Variants in MARCO observed in about 807,000 individuals in gnomAD.
MARCO encodes macrophage receptor MARCO.
Under a neutral mutation model 70.0 loss-of-function variants are expected in MARCO, and 72 were observed. That is an observed-to-expected ratio of 1.03 (90% CI 0.85 to 1.25). The LOEUF (loss-of-function observed/expected upper bound fraction) is 1.25, where lower values mean the gene tolerates loss of function less well. Among genes scored for constraint, MARCO ranks in the 50% most tolerant of loss-of-function variants. MARCO has a pLI of 0.00. For synonymous variants in MARCO, 273 were observed against 243.1 expected, an observed-to-expected ratio of 1.12 and a Z score of -1.14; for missense variants, 696 against 659.3, an observed-to-expected ratio of 1.06 and a Z score of -0.61.
intron 1 of MARCO, among the ~76,000 whole-genome samples, chr2:118,954,048 C>A (rs180857123): frequency 6.6e-6 from 1 of 152,300 alleles, no homozygotes; most frequent in African/African-American, 2.4e-5. Flanking sequence ...ACAATTTGAA[C>A]AGGGTGAGAA....
intron 1 of MARCO, among the ~76,000 whole-genome samples, chr2:118,948,943 G>A (rs539820980): frequency 5.3e-5 from 8 of 152,272 alleles, no homozygotes; most frequent in African/African-American, 7.2e-5. Context: ...CCATACATCC[G>A]CTAAGGGCAG....
intron 1 of MARCO, among the ~76,000 whole-genome samples, chr2:118,961,202 A>T (rs1326781499): frequency 6.6e-6 from 1 of 152,124 alleles, no homozygotes; most frequent in Non-Finnish European, 1.5e-5. Context: ...ATGAACATAC[A>T]TGTGCCATAT....
At chr2:118,966,357 G>T (rs1680047258) in intron 1 of MARCO, among the ~76,000 whole-genome samples, 1 of 152,100 alleles carries the variant, frequency 6.6e-6, no homozygotes, top group South Asian at 2.1e-4. Context: ...ATGTCAAGCA[G>T]CTCTTCCTCT....
At chr2:118,986,342 C>T (rs1170026244) in intron 12 of MARCO, among the ~76,000 whole-genome samples, 4 of 140,848 alleles carry the variant, frequency 2.8e-5, no homozygotes, top group African/African-American at 1.2e-4. Flanking sequence ...GCAATGTCCC[C>T]CTCTCTACAA....
rs1331566945 is a variant in MARCO, at chr2:118,984,859, T to A, written c.1063+2449T>A. Among the ~76,000 whole-genome samples, 4 of 152,326 alleles carry A rather than the reference T, an allele frequency of 2.6e-5. No individual in the cohort carries two copies. The East Asian group carries it at 7.7e-4, about 29-fold the overall frequency. Reference sequence around the variant, plus strand: ...CACTGCAGTGCTTGGCCAGTGTTGATATATCAAGCCAGGTTTCCAAACTGA... The same window carrying A: ...CACTGCAGTGCTTGGCCAGTGTTGAAATATCAAGCCAGGTTTCCAAACTGA... On this transcript the variant is annotated intron_variant, in intron 12 of 16. Coordinates refer to ENST00000327097, the MANE Select transcript of MARCO (RefSeq NM_006770.4).
At chr2:118,974,792 G>A (rs1395515926) in intron 6 of MARCO, among the ~76,000 whole-genome samples, 2 of 152,228 alleles carry the variant, frequency 1.3e-5, no homozygotes, top group South Asian at 2.1e-4. Context: ...TGGCTAGATG[G>A]CCTTCATCCT....
chr2:118,989,055 G>A (rs1438478843), intron 12 of MARCO, among the ~76,000 whole-genome samples: 1 of 152,240 alleles, frequency 6.6e-6, no homozygotes, highest in Non-Finnish European at 1.5e-5. Context: ...TAAGACAGAA[G>A]TGGACTCAAG....
At chr2:118,993,807 T>C (rs1297584582) in intron 16 of MARCO, among the ~76,000 whole-genome samples, 1 of 152,128 alleles carries the variant, frequency 6.6e-6, no homozygotes, top group Non-Finnish European at 1.5e-5. Context: ...GTGTGGAAAA[T>C]GTCTTCGGAT....
chr2:118,950,066 C>T (rs190449780), intron 1 of MARCO: 9 of 152,092 alleles, frequency 5.9e-5, no homozygotes, highest in African/African-American at 1.4e-4. Context: ...TCTTTAGCAC[C>T]GATTTTTATT....
At chr2:118,961,377 C>G (rs2104565148) in intron 1 of MARCO, among the ~76,000 whole-genome samples, 2 of 152,288 alleles carry the variant, frequency 1.3e-5, no homozygotes, top group South Asian at 4.1e-4. Flanking sequence ...TCACCAGCAT[C>G]TGCTGTTTCT....
chr2:118,965,870 C>A (rs1406084707), intron 1 of MARCO, among the ~76,000 whole-genome samples: 1 of 152,198 alleles, frequency 6.6e-6, no homozygotes, highest in Non-Finnish European at 1.5e-5. Context: ...GCAGAAGGCA[C>A]GTTCCAGTAC....
At chr2:118,949,235 C>G (rs983484453) in intron 1 of MARCO, 3 of 152,134 alleles carry the variant, frequency 2.0e-5, no homozygotes, top group Non-Finnish European at 4.4e-5. Context: ...GATTTGAGGA[C>G]CATGCTAGTG....
intron 12 of MARCO, among the ~76,000 whole-genome samples, chr2:118,989,463 C>T (rs1253563309): frequency 6.6e-6 from 1 of 152,190 alleles, no homozygotes; most frequent in Non-Finnish European, 1.5e-5. Flanking sequence ...CCTTAGCTCT[C>T]CAGCCCTCCT....
intron 8 of MARCO, 62 bp from the exon 9 acceptor site, chr2:118,981,347 G>A: frequency 1.9e-6 from 2 of 1,037,704 alleles, no homozygotes; most frequent in Non-Finnish European, 2.9e-6. Context: ...AGTGTCAGAG[G>A]AGGACATGGT....
chr2:118,960,162 G>C (rs988410482), intron 1 of MARCO, among the ~76,000 whole-genome samples: 4 of 151,622 alleles, frequency 2.6e-5, no homozygotes, highest in African/African-American at 9.7e-5. Context: ...TTTTTTTGTA[G>C]ATTTTGTGGA....
At chr2:118,964,169 A>G (rs1680000637) in intron 1 of MARCO, among the ~76,000 whole-genome samples, 1 of 152,118 alleles carries the variant, frequency 6.6e-6, no homozygotes, top group East Asian at 1.9e-4. Flanking sequence ...AGCCTTCTCC[A>G]CTTTTTAAAT....
At chr2:118,946,233 A>G (rs559329815) in intron 1 of MARCO, among the ~76,000 whole-genome samples, 39 of 152,290 alleles carry the variant, frequency 2.6e-4, no homozygotes, top group African/African-American at 9.1e-4. Flanking sequence ...GGTGCAATCC[A>G]TAGAGCTTAT....
chr2:118,979,074 G>A (rs1680340893), intron 8 of MARCO, among the ~76,000 whole-genome samples: 1 of 152,146 alleles, frequency 6.6e-6, no homozygotes, highest in Non-Finnish European at 1.5e-5. Context: ...AGACATATGA[G>A]ATGTGTACCA....
At chr2:118,977,664 T>C (rs745799078) in intron 7 of MARCO, 149 bp downstream of exon 7, 120 of 811,692 alleles carry the variant, frequency 1.5e-4, no homozygotes, top group Middle Eastern at 5.3e-4. Context: ...TTGAGTCCTG[T>C]CACATTTCTT....
Sources: allele counts gnomAD v4.1 joint callset (sites outside exome capture counted in the v4.1 genomes callset), GRCh38; gene constraint gnomAD v4.1.1; transcripts MANE v1.5; gene names NCBI Gene and HGNC (gene_info 2026-07-23, HGNC 2026-07-21).